LSM14B: variants seen among roughly 807,000 people sequenced by gnomAD.
LSM14B encodes the protein protein LSM14 homolog B.
LSM14B carries 8 observed loss-of-function variants against 42.1 expected under a neutral mutation model. The observed-to-expected ratio is 0.19, with a 90% CI of 0.11 to 0.34. The LOEUF (loss-of-function observed/expected upper bound fraction) is 0.34, where lower values mean the gene tolerates loss of function less well. Among genes scored for constraint, LSM14B ranks in the 10% least tolerant of loss-of-function variants. The pLI is 1.00. For synonymous variants in LSM14B, 219 were observed against 209.7 expected (o/e 1.04, Z -0.38); for missense variants, 396 against 513.1 (o/e 0.77, Z 2.21).
In LSM14B at chr20:62,130,831, G is replaced by A; in HGVS notation, c.835+140G>A. 1 of 862,430 alleles carries A rather than the reference G, an allele frequency of 1.2e-6. No homozygotes were observed. The highest frequency in any genetic ancestry group is 1.7e-6 in the Non-Finnish European group (1 of 578,864). The allele number at this position is 862,430 out of a possible 1,614,324, so 53.4% of individuals were successfully genotyped here. On this transcript the variant is annotated intron_variant, in intron 6 of 8. Transcript: ENST00000279068. The surrounding 1 kb of genome is among the most constrained non-coding windows in gnomAD (Gnocchi z 4.1). Reference sequence around the variant, plus strand: ...GGCTGAGGTGGGTGGATCACCTGAGGTCAGGAGTTCAACACCAGCCTGGCC... The same window carrying A: ...GGCTGAGGTGGGTGGATCACCTGAGATCAGGAGTTCAACACCAGCCTGGCC...
At chr20:62,123,794 T>A (rs1382246671) in intron 1 of LSM14B, among the ~76,000 whole-genome samples, 1 of 152,176 alleles carries the variant, frequency 6.6e-6, no homozygotes, top group Non-Finnish European at 1.5e-5. Flanking sequence ...ACAGGGAGTG[T>A]CTCCTTTTGA....
At chr20:62,129,040 G>A (rs1404505123) in intron 3 of LSM14B, 2 of 1,291,256 alleles carry the variant, frequency 1.5e-6, no homozygotes, top group South Asian at 2.5e-5. Flanking sequence ...GAGGTGGGTG[G>A]TGCTTCCCAT....
intron 1 of LSM14B, among the ~76,000 whole-genome samples, chr20:62,123,832 C>G (rs1022221241): frequency 4.6e-5 from 7 of 152,188 alleles, no homozygotes; most frequent in African/African-American, 1.4e-4. Context: ...GCTTCAGGAG[C>G]TTGTTGAGTA....
intron 1 of LSM14B, among the ~76,000 whole-genome samples, chr20:62,123,582 T>C (rs924528021): frequency 6.6e-6 from 1 of 152,226 alleles, no homozygotes; most frequent in Non-Finnish European, 1.5e-5. Context: ...AGAGTTTCTT[T>C]GTCTTCATCA....
chr20:62,124,147 A>G (rs1209678431), intron 1 of LSM14B, among the ~76,000 whole-genome samples: 2 of 152,144 alleles, frequency 1.3e-5, no homozygotes, highest in African/African-American at 4.8e-5. Context: ...AGCTGTTCCA[A>G]GGTTTGTTAT....
intron 7 of LSM14B, among the ~76,000 whole-genome samples, chr20:62,132,007 G>A (rs1600946682): frequency 6.6e-6 from 1 of 152,240 alleles, no homozygotes; most frequent in Non-Finnish European, 1.5e-5. Context: ...GGGAGTGGGT[G>A]GCATCTACAG....
intron 3 of LSM14B, chr20:62,128,148 G>A: frequency 1.1e-5 from 4 of 365,884 alleles, no homozygotes; most frequent in East Asian, 6.2e-5. Flanking sequence ...GGTGACAGTC[G>A]CCAACTGTTT....
chr20:62,126,196 C>T (rs2056595066), intron 2 of LSM14B, 108 bp from the exon 3 acceptor site: 3 of 1,534,320 alleles, frequency 2.0e-6, no homozygotes, highest in Non-Finnish European at 1.8e-6. Flanking sequence ...CTCAAGGGTG[C>T]AGGCTGATGG....
Position 62,133,437 on chromosome 20 carries a change from C to G in LSM14B, c.1134C>G (p.His378Gln), listed in dbSNP as rs1600952570. 2.5e-6 allele frequency: 4 copies of G among 1,613,066 alleles called. No individual in the cohort carries two copies. In the East Asian group the frequency reaches 6.7e-5, roughly 27 times the overall value. Residue 378 changes from histidine to glutamine, a missense_variant, in exon 8 of 9, where the codon CAC becomes CAG. Around this residue, in one of 3 missense-constraint regions of LSM14B, gnomAD observed 118 missense variants for 156.4 expected, o/e 0.75. Coordinates refer to ENST00000279068, the MANE Select transcript of LSM14B (RefSeq NM_144703.3). ...NGTTRRNPTS[H>Q]RAGTGRV is the part of the protein sequence containing the mutation. The stretch of plus-strand genomic sequence containing the variant: ...CCACCCGTCGCAACCCCACTTCCCA[C>G]AGGGCCGGGACTGGCAGGGTGTGAG...
chr20:62,124,050 G>T (rs962717106), intron 1 of LSM14B, among the ~76,000 whole-genome samples: 5 of 152,258 alleles, frequency 3.3e-5, no homozygotes, highest in Non-Finnish European at 5.9e-5. Flanking sequence ...CTGGTTAGGG[G>T]TTAGTAGACT....
chr20:62,131,533 G>A (rs752031757), intron 7 of LSM14B, 27 bp downstream of exon 7: 4 of 1,608,974 alleles, frequency 2.5e-6, no homozygotes, highest in East Asian at 4.5e-5. Context: ...ATGAGGGGAG[G>A]ACAGTCCTCC....
Position 62,133,304 on chromosome 20 carries a change from C to T in LSM14B, c.1001C>T (p.Thr334Met), listed in dbSNP as rs2056819853. ...SELKTSSRRT[T>M]WAEERKLNTE... ...CTGTGGTTTAGCTCCAGGCGGACGA[C>T]GTGGGCCGAAGAGAGGAAGCTCAAC... is the stretch of plus-strand genomic sequence containing the variant. Residue 334 changes from threonine (T) to methionine (M), a missense_variant, in exon 8 of 9, where the codon ACG (threonine) becomes ATG (methionine). Coordinates refer to ENST00000279068, the MANE Select transcript of LSM14B (RefSeq NM_144703.3). The T allele has an allele frequency of 1.9e-6, 3 of 1,613,328 alleles. No individual in the cohort carries two copies. Among genetic ancestry groups the T allele is most frequent in the South Asian group, 1.1e-5 (1 of 91,066 alleles).
At position 62,130,020 on chromosome 20, in the gene LSM14B, A is replaced by G; in HGVS notation, c.595+68A>G. The G allele has an allele frequency of 4.9e-6, 6 of 1,227,892 alleles. No homozygotes were observed. The highest frequency in any genetic ancestry group is 6.6e-6 in the Non-Finnish European group (6 of 915,666). 76.1% of individuals were successfully genotyped at this position (1,227,892 alleles called of 1,614,324 possible). On this transcript the variant is annotated intron_variant, in intron 4 of 8. Transcript: ENST00000279068. The surrounding 1 kb of genome is among the most constrained non-coding windows in gnomAD (Gnocchi z 4.1). Reference sequence around the variant, plus strand: ...AAAGTGGCACACTACTTCCTGGGCTATTTTTTTTTTTTTAATTAAAAAAAT... The same window carrying G: ...AAAGTGGCACACTACTTCCTGGGCTGTTTTTTTTTTTTTAATTAAAAAAAT...
Position 62,130,757 on chromosome 20 carries a change from T to C in LSM14B, c.835+66T>C. 1 of 1,529,624 alleles carries C rather than the reference T, an allele frequency of 6.5e-7. No homozygotes were observed. The highest frequency in any genetic ancestry group is 1.2e-5 in the South Asian group (1 of 84,368). 94.8% of individuals were successfully genotyped at this position (1,529,624 alleles called of 1,614,324 possible). A position where few individuals can be genotyped will look rare whatever the true frequency, so the allele number is the denominator to read the frequency against. On this transcript the variant is annotated intron_variant, in intron 6 of 8. Coordinates refer to ENST00000279068, the MANE Select transcript of LSM14B (RefSeq NM_144703.3). The surrounding 1 kb of genome is among the most constrained non-coding windows in gnomAD (Gnocchi z 4.1). The stretch of plus-strand genomic sequence containing the variant: ...ACCCCTAGAGAGTGTTAGGAGGAGA[T>C]GCCTGGCCGGGTGTGGTGGTTCACG...
At chr20:62,133,113 C>T (rs1007667591) in intron 7 of LSM14B, among the ~76,000 whole-genome samples, 177 bp from the exon 8 acceptor site, 1 of 152,200 alleles carries the variant, frequency 6.6e-6, no homozygotes. Flanking sequence ...TGGTTGGAAA[C>T]GTGGCAGGGA....
intron 2 of LSM14B, among the ~76,000 whole-genome samples, chr20:62,125,007 A>C (rs1411616480): frequency 1.3e-5 from 2 of 152,028 alleles, no homozygotes; most frequent in Middle Eastern, 3.4e-3. Flanking sequence ...CAGCCTCCCG[A>C]GTAGCTGGGA....
At chr20:62,125,027 C>T (rs1032500501) in intron 2 of LSM14B, among the ~76,000 whole-genome samples, 14 of 152,050 alleles carry the variant, frequency 9.2e-5, no homozygotes, top group African/African-American at 1.9e-4. Flanking sequence ...ACTACAGGGA[C>T]GCACCACCAT....
Position 62,130,441 on chromosome 20 carries a change from TG to T in LSM14B, c.674-84del. 6.4e-7 allele frequency: 1 copy of T among 1,553,200 alleles called. No homozygotes were observed. Among genetic ancestry groups the T allele is most frequent in the East Asian group, 2.3e-5 (1 of 42,616 alleles). On this transcript the variant is annotated intron_variant, in intron 5 of 8. Coordinates refer to ENST00000279068, the MANE Select transcript of LSM14B (RefSeq NM_144703.3). This position sits in a 1 kb window ranked among gnomAD's most constrained non-coding sequence, Gnocchi z 4.1. Reference sequence around the variant, plus strand: ...GTGTGCTCTGTTCCTTCTGTGGCCTTGGGGGTGTGCCTGGAAATTCCTTGTG... The same window carrying T: ...GTGTGCTCTGTTCCTTCTGTGGCCTTGGGGTGTGCCTGGAAATTCCTTGTG...
Position 62,127,473 on chromosome 20 carries a change from G to A in LSM14B, c.427+1034G>A, listed in dbSNP as rs534531725. On this transcript the variant is annotated intron_variant, in intron 3 of 8. Coordinates refer to ENST00000279068, the MANE Select transcript of LSM14B (RefSeq NM_144703.3). ...GTTTCTAAAACGTGTTTGTATGACA[G>A]AATCCTACAAGAGGTTGCTTGGCTC... 7 of 737,714 alleles carry A rather than the reference G, an allele frequency of 9.5e-6. No homozygotes were observed. The South Asian group carries it at 1.0e-4, about 11-fold the overall frequency. 45.7% of individuals were successfully genotyped at this position (737,714 alleles called of 1,614,324 possible).
Sources: allele counts gnomAD v4.1 joint callset (sites outside exome capture counted in the v4.1 genomes callset), GRCh38; gene constraint gnomAD v4.1.1; regional missense constraint gnomAD v4.1.1; non-coding constraint Gnocchi (gnomAD v3.1); transcripts MANE v1.5; gene names NCBI Gene and HGNC (gene_info 2026-07-23, HGNC 2026-07-21).